TBX2: variants seen among roughly 807,000 people sequenced by gnomAD.
TBX2 encodes T-box transcription factor 2.
TBX2 carries 19 observed loss-of-function variants against 48.4 expected under a neutral mutation model. That is an observed-to-expected ratio of 0.39 (90% CI 0.27 to 0.58). TBX2 has a LOEUF of 0.58. TBX2 is among the 20% of genes least tolerant of loss of function. The probability of loss-of-function intolerance (pLI) is 0.54; values close to 1 mark genes in which losing one functional copy is unlikely to be tolerated. For missense variants in TBX2, 994 were observed against 1,006.5 expected (o/e 0.99, Z 0.17); for synonymous variants, 522 against 459.7 (o/e 1.14, Z -1.73).
chr17:61,404,064 C>T (rs934405171), intron 3 of TBX2, among the ~76,000 whole-genome samples: 1 of 152,232 alleles, frequency 6.6e-6, no homozygotes, highest in Non-Finnish European at 1.5e-5. Context: ...GTGTGAACTG[C>T]AGTCTCTGTT....
rs570438924 is a variant in TBX2, at chr17:61,400,903, C to T, written c.395+332C>T. Among the ~76,000 whole-genome samples, 1 of 152,346 alleles carries T rather than the reference C, an allele frequency of 6.6e-6. No individual in the cohort carries two copies. Among genetic ancestry groups the T allele is most frequent in the Non-Finnish European group, 1.5e-5 (1 of 68,030 alleles). ...CGGTCTCCTCCGCCCCGCGCTCTCG[C>T]TCTTCTGCGTCCGGGTCCGTCTCCG... On this transcript the variant is annotated intron_variant, in intron 1 of 6. Coordinates refer to ENST00000240328, the MANE Select transcript of TBX2 (RefSeq NM_005994.4). This position sits in a 1 kb window ranked among gnomAD's most constrained non-coding sequence, Gnocchi z 9.2.
rs185512088 is a variant in TBX2 at position 61,407,815 on chromosome 17, A to G, written c.1687-239A>G. 8.0e-4 allele frequency: 436 copies of G among 542,596 alleles called. 2 individuals carry two copies. The East Asian group carries it at 0.012, about 15-fold the overall frequency. The allele number at this position is 542,596 out of a possible 1,614,324, so 33.6% of individuals were successfully genotyped here. A position where few individuals can be genotyped will look rare whatever the true frequency, so the allele number is the denominator to read the frequency against. On this transcript the variant is annotated intron_variant, in intron 6 of 6. Coordinates refer to ENST00000240328, the MANE Select transcript of TBX2 (RefSeq NM_005994.4). ...CATTACCCCTGCTGTAATGCCCAGC[A>G]CAGAACTTGATGGCAGGCCTTTGCA...
Position 61,403,015 on chromosome 17 carries a change from CGGGCCGGGGCTG to C in TBX2, c.664-44_664-33del. On this transcript the variant is annotated intron_variant, in intron 2 of 6. Coordinates refer to ENST00000240328, the MANE Select transcript of TBX2 (RefSeq NM_005994.4). The surrounding 1 kb of genome is among the most constrained non-coding windows in gnomAD (Gnocchi z 5.8). ...CAGGTACCCAAAGAATAGAAAAGCT[CGGGCCGGGGCTG>C]GTGGCTGCCGGCTGACCCCCACCCT... The C allele has an allele frequency of 6.4e-7, 1 of 1,564,850 alleles. No individual in the cohort carries two copies. The highest frequency in any genetic ancestry group is 1.2e-5 in the South Asian group (1 of 86,570).
At position 61,406,830 on chromosome 17, in the gene TBX2, C is replaced by T. The variant is rs1217208882; in HGVS notation, c.1686+994C>T. The T allele has an allele frequency of 6.6e-6, 1 of 152,124 alleles. No individual in the cohort carries two copies. The highest frequency in any genetic ancestry group is 2.4e-5 in the African/African-American group (1 of 41,368). 9.4% of individuals were successfully genotyped at this position (152,124 alleles called of 1,614,324 possible). On this transcript the variant is annotated intron_variant, in intron 6 of 6. Transcript: ENST00000240328. The surrounding 1 kb of genome is among the most constrained non-coding windows in gnomAD (Gnocchi z 5.7). ...GTGTGTGGAGTGTTTGAGGTATCAC[C>T]ATCACTCATCTGGGGCTCTGGGCTG...
chr17:61,405,310 C>T lies in TBX2; in HGVS notation c.1160C>T (p.Pro387Leu), dbSNP rs1603241604. 1.8e-5 allele frequency: 28 copies of T among 1,553,226 alleles called. No homozygotes were observed. Among genetic ancestry groups the T allele is most frequent in the Non-Finnish European group, 2.3e-5 (27 of 1,156,702 alleles). The change falls in exon 6 of 7, where the codon CCC (proline) becomes CTC (leucine). Residue 387 changes from proline to leucine, a missense_variant. Physicochemically the swap from Pro to Leu is moderately conservative, Grantham distance 98. Transcript: ENST00000240328. Reference sequence around the variant, plus strand: ...AGCCCGGCTCCAGACAGCGCCAGCCCCACTCGCTTGACCGAACCCGAGCGC... The same window carrying T: ...AGCCCGGCTCCAGACAGCGCCAGCCTCACTCGCTTGACCGAACCCGAGCGC... ...GRSPAPDSAS[P>L]TRLTEPERAR...
rs2060255503 is a variant in TBX2 at position 61,399,881 on chromosome 17, A to T, written c.-296A>T. 6.6e-6 allele frequency: 1 copy of T among 151,778 alleles called. No homozygotes were observed. The highest frequency in any genetic ancestry group is 1.5e-5 in the Non-Finnish European group (1 of 67,956). The allele number at this position is 151,778 out of a possible 1,614,324, so 9.4% of individuals were successfully genotyped here. On this transcript the variant is annotated 5_prime_UTR_variant, in exon 1 of 7. Coordinates refer to ENST00000240328, the MANE Select transcript of TBX2 (RefSeq NM_005994.4). This position sits in a 1 kb window ranked among gnomAD's most constrained non-coding sequence, Gnocchi z 4.7. Reference sequence around the variant, plus strand: ...ATCCGAGCTGGGCAGGACATGTGAGATAGTCACAGTTTTCCAGAGATCACG... The same window carrying T: ...ATCCGAGCTGGGCAGGACATGTGAGTTAGTCACAGTTTTCCAGAGATCACG...
Position 61,400,605 on chromosome 17 carries a change from C to T in TBX2, c.395+34C>T. ...GCCGGCCGGCTGGAAGGCGCGCGGG[C>T]GGGCGGGCGGGCTGGGGCACGGGAC... is the stretch of plus-strand genomic sequence containing the variant. On this transcript the variant is annotated intron_variant, in intron 1 of 6. Transcript: ENST00000240328. The surrounding 1 kb of genome is among the most constrained non-coding windows in gnomAD (Gnocchi z 9.2). 2 of 575,956 alleles carry T rather than the reference C, an allele frequency of 3.5e-6. No homozygotes were observed. The highest frequency in any genetic ancestry group is 3.2e-5 in the South Asian group (2 of 61,968). The allele number at this position is 575,956 out of a possible 1,614,324, so 35.7% of individuals were successfully genotyped here.
chr17:61,404,965 C>G, intron 5 of TBX2, 196 bp downstream of exon 5: 1 of 1,243,200 alleles, frequency 8.0e-7, no homozygotes, highest in Non-Finnish European at 1.1e-6. Flanking sequence ...GGCCGGACTC[C>G]GAGCCTGGCC....
intron 2 of TBX2, 147 bp downstream of exon 2, chr17:61,402,098 C>T (rs1202878888): frequency 1.6e-6 from 2 of 1,258,570 alleles, no homozygotes; most frequent in Non-Finnish European, 2.1e-6. Flanking sequence ...GCCCTGTGGT[C>T]TACGTGGGCT....
chr17:61,401,597 C>G (rs534840410), intron 1 of TBX2, 87 bp from the exon 2 acceptor site: 13 of 1,499,608 alleles, frequency 8.7e-6, no homozygotes, highest in Non-Finnish European at 1.1e-5. Flanking sequence ...GTGTGCGCAA[C>G]GAGGAGGGAT....
chr17:61,408,469 A>G lies in TBX2; in HGVS notation c.2102A>G (p.Gln701Arg), dbSNP rs1379296399. Residue 701 changes from glutamine (Q) to arginine (R), a missense_variant, in exon 7 of 7, where the codon CAG becomes CGG. This residue lies in a region of TBX2 where 639 missense variants were observed against 613.2 expected (regional missense o/e 1.04). Coordinates refer to ENST00000240328, the MANE Select transcript of TBX2 (RefSeq NM_005994.4). ...IQRLVSGLES[Q>R]RALSPGRESP... is the part of the protein sequence containing the mutation. The stretch of plus-strand genomic sequence containing the variant: ...AGACTGGTGAGTGGGCTGGAGAGCC[A>G]GCGAGCCCTCTCCCCAGGCCGGGAG... The G allele has an allele frequency of 6.9e-7, 1 of 1,457,174 alleles. No homozygotes were observed. The highest frequency in any genetic ancestry group is 1.4e-5 in the South Asian group (1 of 69,496). 90.3% of individuals were successfully genotyped at this position (1,457,174 alleles called of 1,614,324 possible).
At position 61,405,473 on chromosome 17, in the gene TBX2, G is replaced by A. The variant is rs1371759544; in HGVS notation, c.1323G>A (p.Glu441=). 2 of 1,578,526 alleles carry A rather than the reference G, an allele frequency of 1.3e-6. No homozygotes were observed. Among genetic ancestry groups the A allele is most frequent in the Non-Finnish European group, 1.7e-6 (2 of 1,165,720 alleles). ...ACGAGGGGCGCAAGGAGGCGGCCGA[G>A]GGCAAGGAGCAGGGCCTGGCGCCGC... The part of the protein sequence containing the change: ...RKDEGRKEAA[E]GKEQGLAPLV... Residue 441 remains glutamate (E), a synonymous_variant, in exon 6 of 7, where the codon GAG becomes GAA. Coordinates refer to ENST00000240328, the MANE Select transcript of TBX2 (RefSeq NM_005994.4).
At position 61,399,988 on chromosome 17, in the gene TBX2, C is replaced by A; in HGVS notation, c.-189C>A. On this transcript the variant is annotated 5_prime_UTR_variant, in exon 1 of 7. Transcript: ENST00000240328. The surrounding 1 kb of genome is among the most constrained non-coding windows in gnomAD (Gnocchi z 4.7). Reference sequence around the variant, plus strand: ...GGCCCAGCCCGGCCCCGCGCAGAGCCCCCGCCGCCCCCGCGCACAGAGCCG... The same window carrying A: ...GGCCCAGCCCGGCCCCGCGCAGAGCACCCGCCGCCCCCGCGCACAGAGCCG... 1 of 169,970 alleles carries A rather than the reference C, an allele frequency of 5.9e-6. No homozygotes were observed. The highest frequency in any genetic ancestry group is 1.8e-4 in the South Asian group (1 of 5,416). The allele number at this position is 169,970 out of a possible 1,614,324, so 10.5% of individuals were successfully genotyped here. A position where few individuals can be genotyped will look rare whatever the true frequency, so the allele number is the denominator to read the frequency against.
Position 61,403,117 on chromosome 17 carries a change from C to A in TBX2, c.720C>A (p.Asn240Lys), listed in dbSNP as rs970533000. 1 of 1,613,802 alleles carries A rather than the reference C, an allele frequency of 6.2e-7. No individual in the cohort carries two copies. The highest frequency in any genetic ancestry group is 8.5e-7 in the Non-Finnish European group (1 of 1,180,020). ...CGCGCTTCCACATAGTGCGAGCCAA[C>A]GACATCCTGAAGCTGCCTTACAGCA... ...YQPRFHIVRA[N>K]DILKLPYSTF... Residue 240 changes from asparagine to lysine, a missense_variant, in exon 3 of 7, where the codon AAC becomes AAA. Physicochemically the swap from Asn to Lys is moderately conservative, Grantham distance 94. Transcript: ENST00000240328. The surrounding 1 kb of genome is among the most constrained non-coding windows in gnomAD (Gnocchi z 5.8).
Position 61,400,051 on chromosome 17 carries a change from G to T in TBX2, c.-126G>T. On this transcript the variant is annotated 5_prime_UTR_variant, in exon 1 of 7. Transcript: ENST00000240328. This position sits in a 1 kb window ranked among gnomAD's most constrained non-coding sequence, Gnocchi z 9.2. ...GGTGCGCCGGACGGGAAGCCCCGAGGAGCAGCTGCTGCGCCCGCCACCCGG... is the reference window on the plus strand; with the variant it reads ...GGTGCGCCGGACGGGAAGCCCCGAGTAGCAGCTGCTGCGCCCGCCACCCGG... The T allele has an allele frequency of 3.0e-6, 1 of 330,756 alleles. No individual in the cohort carries two copies. The highest frequency in any genetic ancestry group is 4.3e-6 in the Non-Finnish European group (1 of 232,852). The allele number at this position is 330,756 out of a possible 1,614,324, so 20.5% of individuals were successfully genotyped here.
rs766759307 is a variant in TBX2, at chr17:61,403,072, C to T, written c.675C>T (p.Asn225=). Residue 225 remains asparagine (N), a synonymous_variant, in exon 3 of 7, where the codon AAC becomes AAT. Coordinates refer to ENST00000240328, the MANE Select transcript of TBX2 (RefSeq NM_005994.4). This position sits in a 1 kb window ranked among gnomAD's most constrained non-coding sequence, Gnocchi z 5.8. ...CACCCTCCCCGCAGACCATCCTAAA[C>T]TCCATGCACAAGTACCAGCCGCGCT... is the stretch of plus-strand genomic sequence containing the variant. ...ISDKHGFTIL[N]SMHKYQPRFH... is the part of the protein sequence containing the mutation. 4.3e-6 allele frequency: 7 copies of T among 1,612,840 alleles called. No individual in the cohort carries two copies. Among genetic ancestry groups the T allele is most frequent in the East Asian group, 2.2e-5 (1 of 44,826 alleles).
In TBX2 at chr17:61,400,679, TC is replaced by T; in HGVS notation, c.395+110del. 8.5e-7 allele frequency: 1 copy of T among 1,180,662 alleles called. No individual in the cohort carries two copies. The highest frequency in any genetic ancestry group is 1.2e-6 in the Non-Finnish European group (1 of 864,888). The allele number at this position is 1,180,662 out of a possible 1,614,324, so 73.1% of individuals were successfully genotyped here. ...GGACTCCCGGCTCCCGGCTCCCGGC[TC>T]CAGGTTCTGGCCCTGACGCCACGCT... On this transcript the variant is annotated intron_variant, in intron 1 of 6. Coordinates refer to ENST00000240328, the MANE Select transcript of TBX2 (RefSeq NM_005994.4). The surrounding 1 kb of genome is among the most constrained non-coding windows in gnomAD (Gnocchi z 9.2).
Position 61,400,248 on chromosome 17 carries a change from C to T in TBX2, c.72C>T (p.Phe24=). ...HPFHAPRPAD[F]PMSAFLAAAQ... ...TCCACGCGCCACGGCCCGCCGACTT[C>T]CCCATGTCCGCCTTTCTGGCGGCGG... Residue 24 remains phenylalanine, a synonymous_variant, in exon 1 of 7, where the codon TTC becomes TTT. Coordinates refer to ENST00000240328, the MANE Select transcript of TBX2 (RefSeq NM_005994.4). The surrounding 1 kb of genome is among the most constrained non-coding windows in gnomAD (Gnocchi z 9.2). The T allele has an allele frequency of 8.3e-7, 1 of 1,211,604 alleles. No homozygotes were observed. Among genetic ancestry groups the T allele is most frequent in the Non-Finnish European group, 1.1e-6 (1 of 950,296 alleles). The allele number at this position is 1,211,604 out of a possible 1,614,324, so 75.1% of individuals were successfully genotyped here. A position where few individuals can be genotyped will look rare whatever the true frequency, so the allele number is the denominator to read the frequency against.
In TBX2 at chr17:61,403,219, G is replaced by A. The variant is rs1272571901; in HGVS notation, c.810+12G>A. 2.5e-6 allele frequency: 4 copies of A among 1,611,366 alleles called. No homozygotes were observed. The highest frequency in any genetic ancestry group is 1.3e-5 in the African/African-American group (1 of 74,922). On this transcript the variant is annotated intron_variant, in intron 3 of 6. Coordinates refer to ENST00000240328, the MANE Select transcript of TBX2 (RefSeq NM_005994.4). The surrounding 1 kb of genome is among the most constrained non-coding windows in gnomAD (Gnocchi z 5.8). Reference sequence around the variant, plus strand: ...ACCAGAATGACAAGGTGCGCGCGGCGGGCGGTGGGCTAAGCCCCTGCACTG... The same window carrying A: ...ACCAGAATGACAAGGTGCGCGCGGCAGGCGGTGGGCTAAGCCCCTGCACTG...
Sources: allele counts gnomAD v4.1 joint callset (sites outside exome capture counted in the v4.1 genomes callset), GRCh38; gene constraint gnomAD v4.1.1; regional missense constraint gnomAD v4.1.1; non-coding constraint Gnocchi (gnomAD v3.1); transcripts MANE v1.5; gene names NCBI Gene and HGNC (gene_info 2026-07-23, HGNC 2026-07-21).